Variants in DMAP1 observed in about 807,000 individuals in gnomAD.
DMAP1 encodes the protein DNA methyltransferase 1-associated protein 1.
In DMAP1, 26 loss-of-function variants were observed where a neutral mutation model predicts 52.7. The ratio of observed to expected loss-of-function variants is 0.49; its 90% confidence interval spans 0.36 to 0.68. The LOEUF (loss-of-function observed/expected upper bound fraction) is 0.68, where lower values mean the gene tolerates loss of function less well. DMAP1 is among the 30% of genes least tolerant of loss of function. DMAP1 has a pLI of 0.00. For synonymous variants in DMAP1, 231 were observed against 246.0 expected (o/e 0.94, Z 0.57); for missense variants, 439 against 625.2 (o/e 0.70, Z 3.18).
chr1:44,216,153 T>C (rs1643788187), intron 3 of DMAP1: 1 of 152,174 alleles, frequency 6.6e-6, no homozygotes. Flanking sequence ...TAAATATTTG[T>C]TGAATGAATG....
At chr1:44,214,017 GGGA>G (rs1319377873) in intron 1 of DMAP1, among the ~76,000 whole-genome samples, 159 bp downstream of exon 1, 1 of 152,202 alleles carries the variant, frequency 6.6e-6, no homozygotes, top group African/African-American at 2.4e-5. Context: ...CTTGATGGGA[GGGA>G]GGAGATGGGA....
Position 44,213,694 on chromosome 1 carries a change from C to T in DMAP1, c.-60C>T. ...ATTGGCCCCGCCCCCTGACCTGAGCCTGGTCCTTCTTCAGGCACTGACCCT... is the reference window on the plus strand; with the variant it reads ...ATTGGCCCCGCCCCCTGACCTGAGCTTGGTCCTTCTTCAGGCACTGACCCT... On this transcript the variant is annotated 5_prime_UTR_variant, in exon 1 of 10. Coordinates refer to ENST00000372289, the MANE Select transcript of DMAP1 (RefSeq NM_019100.5). The surrounding 1 kb of genome is among the most constrained non-coding windows in gnomAD (Gnocchi z 4.5). The T allele has an allele frequency of 6.7e-7, 1 of 1,502,458 alleles. No homozygotes were observed. Among genetic ancestry groups the T allele is most frequent in the South Asian group, 1.2e-5 (1 of 82,606 alleles). 93.1% of individuals were successfully genotyped at this position (1,502,458 alleles called of 1,614,324 possible).
intron 2 of DMAP1, 36 bp from the exon 3 acceptor site, chr1:44,214,667 A>G (rs375627152): frequency 4.3e-6 from 7 of 1,612,128 alleles, no homozygotes; most frequent in Admixed American, 3.3e-5. Context: ...ACACCTTCTG[A>G]TTCTAACCTC....
intron 3 of DMAP1, chr1:44,216,877 G>A (rs946233578): frequency 6.6e-6 from 1 of 152,240 alleles, no homozygotes; most frequent in African/African-American, 2.4e-5. Flanking sequence ...AGTCCTAAAG[G>A]TGCGAGATGA....
At position 44,213,600 on chromosome 1, in the gene DMAP1, C is replaced by T; in HGVS notation, c.-154C>T. On this transcript the variant is annotated 5_prime_UTR_variant, in exon 1 of 10. Coordinates refer to ENST00000372289, the MANE Select transcript of DMAP1 (RefSeq NM_019100.5). The surrounding 1 kb of genome is among the most constrained non-coding windows in gnomAD (Gnocchi z 4.5). Reference sequence around the variant, plus strand: ...TCCAAGCGGTGGGGCACAGGCAGATCCCCGACCTGACCTGGACCACCCTTC... The same window carrying T: ...TCCAAGCGGTGGGGCACAGGCAGATTCCCGACCTGACCTGGACCACCCTTC... 1 of 644,106 alleles carries T rather than the reference C, an allele frequency of 1.6e-6. No homozygotes were observed. Among genetic ancestry groups the T allele is most frequent in the Non-Finnish European group, 2.7e-6 (1 of 369,964 alleles). The allele number at this position is 644,106 out of a possible 1,614,324, so 39.9% of individuals were successfully genotyped here.
chr1:44,213,679 C>T lies in DMAP1; in HGVS notation c.-75C>T, dbSNP rs1248193675. 1.4e-6 allele frequency: 2 copies of T among 1,404,086 alleles called. No homozygotes were observed. The highest frequency in any genetic ancestry group is 2.5e-5 in the East Asian group (1 of 40,162). 87.0% of individuals were successfully genotyped at this position (1,404,086 alleles called of 1,614,324 possible). ...TCCGCTTAGGTCTGGATTGGCCCCGCCCCCTGACCTGAGCCTGGTCCTTCT... is the reference window on the plus strand; with the variant it reads ...TCCGCTTAGGTCTGGATTGGCCCCGTCCCCTGACCTGAGCCTGGTCCTTCT... On this transcript the variant is annotated 5_prime_UTR_variant, in exon 1 of 10. Transcript: ENST00000372289. The surrounding 1 kb of genome is among the most constrained non-coding windows in gnomAD (Gnocchi z 4.5).
Position 44,218,421 on chromosome 1 carries a change from C to T in DMAP1, c.504C>T (p.Asp168=), listed in dbSNP as rs199594206. 1.9e-6 allele frequency: 3 copies of T among 1,614,114 alleles called. No homozygotes were observed. The highest frequency in any genetic ancestry group is 1.3e-5 in the African/African-American group (1 of 74,924). Reference sequence around the variant, plus strand: ...TCTTTGACCTCAGCCGCCGCTTTGACCTGCGTTTTGTTGTTATCCATGACC... The same window carrying T: ...TCTTTGACCTCAGCCGCCGCTTTGATCTGCGTTTTGTTGTTATCCATGACC... ...DHLFDLSRRF[D]LRFVVIHDRY... Residue 168 remains aspartate (D), a synonymous_variant, in exon 4 of 10, where the codon GAC becomes GAT. Coordinates refer to ENST00000372289, the MANE Select transcript of DMAP1 (RefSeq NM_019100.5). The surrounding 1 kb of genome is among the most constrained non-coding windows in gnomAD (Gnocchi z 5.6).
intron 3 of DMAP1, chr1:44,215,122 T>A: frequency 3.0e-6 from 2 of 669,272 alleles, no homozygotes; most frequent in Non-Finnish European, 2.7e-6. Context: ...TTCATGGCTT[T>A]TCTTGGTCTT....
rs34697342 is a variant in DMAP1, at chr1:44,214,782, C to A, written c.277C>A (p.Arg93=). The A allele has an allele frequency of 2.8e-4, 452 of 1,614,162 alleles. 2 individuals carry two copies. In the African/African-American group the frequency reaches 5.6e-3, roughly 20 times the overall value. Residue 93 remains arginine (R), a synonymous_variant, in exon 3 of 10, where the codon CGG becomes AGG. Transcript: ENST00000372289. ...VKAKLGSKKV[R]PWKWMPFTNP... ...GGCCAAGTTGGGCTCCAAGAAGGTG[C>A]GGCCTTGGAAGTGGATGCCATTCAC...
chr1:44,220,406 G>A (rs1301524065), intron 9 of DMAP1, 97 bp downstream of exon 9: 7 of 1,534,338 alleles, frequency 4.6e-6, no homozygotes, highest in Non-Finnish European at 6.1e-6. Flanking sequence ...GCCTGCAGCA[G>A]GAACGATCAT....
At chr1:44,217,866 CAA>C in intron 3 of DMAP1, 1 of 250,312 alleles carries the variant, frequency 4.0e-6, no homozygotes. Context: ...CTGACCTTGG[CAA>C]ACTCTGGGGG....
In DMAP1 at chr1:44,218,578, T is replaced by C. The variant is rs1643840915; in HGVS notation, c.553-10T>C. On this transcript the variant is annotated splice_polypyrimidine_tract_variant and intron_variant, in intron 4 of 9. Transcript: ENST00000372289. The surrounding 1 kb of genome is among the most constrained non-coding windows in gnomAD (Gnocchi z 5.6). Reference sequence around the variant, plus strand: ...GAATGTTCATTCCTCTACCCTGTCTTGCTCCTCAGAAGCGTTCTGTGGAAG... The same window carrying C: ...GAATGTTCATTCCTCTACCCTGTCTCGCTCCTCAGAAGCGTTCTGTGGAAG... The C allele has an allele frequency of 1.9e-6, 3 of 1,609,502 alleles. No individual in the cohort carries two copies. Among genetic ancestry groups the C allele is most frequent in the Non-Finnish European group, 2.6e-6 (3 of 1,176,292 alleles).
intron 2 of DMAP1, 22 bp from the exon 3 acceptor site, chr1:44,214,681 T>C (rs754489419): frequency 1.9e-6 from 3 of 1,611,576 alleles, no homozygotes; most frequent in Non-Finnish European, 2.5e-6. Context: ...TAACCTCGCA[T>C]CTCCCTAAAC....
In DMAP1 at chr1:44,219,169, T is replaced by C. The variant is rs777381053; in HGVS notation, c.834T>C (p.Thr278=). 8.1e-6 allele frequency: 13 copies of C among 1,613,996 alleles called. No homozygotes were observed. The highest frequency in any genetic ancestry group is 1.1e-5 in the Non-Finnish European group (13 of 1,180,032). Reference sequence around the variant, plus strand: ...AGCTGATCACAGCGGCAGACACCACTGCAGAGCAGCGGCGCACGGAACGCA... The same window carrying C: ...AGCTGATCACAGCGGCAGACACCACCGCAGAGCAGCGGCGCACGGAACGCA... ...LQKLITAADT[T]AEQRRTERKA... Residue 278 remains threonine, a synonymous_variant, in exon 6 of 10, where the codon ACT becomes ACC. Transcript: ENST00000372289.
intron 3 of DMAP1, 53 bp downstream of exon 3, chr1:44,214,951 A>G (rs1411389619): frequency 6.2e-7 from 1 of 1,604,824 alleles, no homozygotes; most frequent in Non-Finnish European, 8.5e-7. Flanking sequence ...ACTTTGAGCC[A>G]TTTGTGCGAG....
chr1:44,214,479 C>G lies in DMAP1; in HGVS notation c.197+38C>G, dbSNP rs773587118. The G allele has an allele frequency of 4.3e-6, 7 of 1,613,588 alleles. No individual in the cohort carries two copies. The South Asian group carries it at 6.6e-5, about 15-fold the overall frequency. ...GTCCCAAGTCCCCCAGGTTTTGGCC[C>G]CTGATTCACCTGCCATGCCCCTAAC... On this transcript the variant is annotated intron_variant, in intron 2 of 9. Transcript: ENST00000372289.
chr1:44,215,223 C>T (rs768454315), intron 3 of DMAP1: 1 of 498,736 alleles, frequency 2.0e-6, no homozygotes, highest in South Asian at 1.5e-5. Flanking sequence ...GCTTCAGTTA[C>T]CCTCTCTACA....
At chr1:44,214,291 T>C (rs981355283) in intron 1 of DMAP1, 59 bp from the exon 2 acceptor site, 62 of 1,525,614 alleles carry the variant, frequency 4.1e-5, no homozygotes, top group Non-Finnish European at 5.1e-5. Flanking sequence ...TGAGCTGGAC[T>C]AAAGAATTTT....
Position 44,218,771 on chromosome 1 carries a change from C to T in DMAP1, c.720+16C>T, listed in dbSNP as rs1643845932. 3 of 1,585,170 alleles carry T rather than the reference C, an allele frequency of 1.9e-6. No homozygotes were observed. The highest frequency in any genetic ancestry group is 2.3e-5 in the South Asian group (2 of 88,088). ...CCCAGAGCAGGTAAGCCCAAGGCCA[C>T]ATACCTGTCCTCCATGCCCCAAACC... On this transcript the variant is annotated intron_variant, in intron 5 of 9. Coordinates refer to ENST00000372289, the MANE Select transcript of DMAP1 (RefSeq NM_019100.5). This position sits in a 1 kb window ranked among gnomAD's most constrained non-coding sequence, Gnocchi z 5.6.
Sources: gnomAD v4.1 joint callset for allele counts (sites outside exome capture counted in the v4.1 genomes callset) on GRCh38, gnomAD v4.1.1 for gene constraint, Gnocchi (gnomAD v3.1) non-coding constraint, MANE v1.5 for transcripts, NCBI Gene and HGNC (gene_info 2026-07-23, HGNC 2026-07-21) for gene names.